Variants in C8orf34 observed in about 807,000 individuals in gnomAD.
C8orf34 encodes chromosome 8 open reading frame 34.
A neutral mutation model predicts 68.3 loss-of-function variants in C8orf34; 65 were observed. The observed-to-expected ratio is 0.95, with a 90% CI of 0.78 to 1.17. C8orf34 has a LOEUF of 1.17. Ranked by LOEUF, C8orf34 falls within the 50% of genes most tolerant of loss-of-function variation. C8orf34 has a pLI of 0.00. For missense variants in C8orf34, 664 were observed against 655.4 expected (o/e 1.01, Z -0.14); for synonymous variants, 244 against 241.2 (o/e 1.01, Z -0.11).
At chr8:68,755,904 CAAA>C (rs11295724) in intron 10 of C8orf34, among the ~76,000 whole-genome samples, 1 of 142,198 alleles carries the variant, frequency 7.0e-6, no homozygotes. Context: ...ACTAAAAATA[CAAA>C]AAAAAAAAAA....
At chr8:68,355,779 C>T (rs1806721377) in intron 1 of C8orf34, among the ~76,000 whole-genome samples, 2 of 152,156 alleles carry the variant, frequency 1.3e-5, no homozygotes, top group Admixed American at 6.6e-5. Flanking sequence ...CCTGCATCTC[C>T]ACAGTGACAA....
intron 7 of C8orf34, among the ~76,000 whole-genome samples, chr8:68,607,224 T>C (rs2130538539): frequency 6.6e-6 from 1 of 152,302 alleles, no homozygotes; most frequent in African/African-American, 2.4e-5. Flanking sequence ...TTCCCTGCAA[T>C]GAATAATAAA....
chr8:68,600,534 T>C (rs1184995257), intron 7 of C8orf34, among the ~76,000 whole-genome samples: 1 of 152,290 alleles, frequency 6.6e-6, no homozygotes. Flanking sequence ...ACTCTCTTAA[T>C]TTTCTTTGCC....
At chr8:68,470,691 G>T (rs1812343457) in intron 4 of C8orf34, among the ~76,000 whole-genome samples, 1 of 152,178 alleles carries the variant, frequency 6.6e-6, no homozygotes, top group East Asian at 1.9e-4. Flanking sequence ...GACACCTTTG[G>T]TATCTGATGA....
chr8:68,584,790 A>G lies in C8orf34; in HGVS notation c.1105+51641A>G, dbSNP rs1586409187. On this transcript the variant is annotated intron_variant, in intron 7 of 13. Transcript: ENST00000518698. ...AAAACCTGGTTCTTATTGCATAGAA[A>G]TGGAATATTTGGCATGATAAAAATA... is the stretch of plus-strand genomic sequence containing the variant. Among the ~76,000 whole-genome samples the G allele has an allele frequency of 2.6e-5, 4 of 152,282 alleles. No individual in the cohort carries two copies. In the South Asian group the frequency reaches 6.2e-4, roughly 24 times the overall value.
intron 1 of C8orf34, among the ~76,000 whole-genome samples, chr8:68,423,667 C>G (rs144934859): frequency 1.1e-3 from 168 of 152,260 alleles, no homozygotes; most frequent in African/African-American, 3.8e-3. Flanking sequence ...GGTATCTTTA[C>G]AGCAGCACCC....
At chr8:68,498,722 A>G (rs1334851830) in intron 5 of C8orf34, among the ~76,000 whole-genome samples, 1 of 152,214 alleles carries the variant, frequency 6.6e-6, no homozygotes, top group East Asian at 1.9e-4. Context: ...AAATATTATA[A>G]TCCTGATTTC....
At chr8:68,376,196 T>TAAAATAAAATA (rs1807789285) in intron 1 of C8orf34, among the ~76,000 whole-genome samples, 1 of 151,558 alleles carries the variant, frequency 6.6e-6, no homozygotes, top group Admixed American at 6.6e-5. Context: ...TAAAATAAAA[T>TAAAATAAAATA]AAAATAAAAT....
chr8:68,587,801 A>G (rs1817252210), intron 7 of C8orf34, among the ~76,000 whole-genome samples: 1 of 152,130 alleles, frequency 6.6e-6, no homozygotes, highest in Admixed American at 6.6e-5. Flanking sequence ...ACAAAGAACT[A>G]TCAGAATAGC....
chr8:68,408,055 G>A (rs1049875519), intron 1 of C8orf34, among the ~76,000 whole-genome samples: 2 of 152,048 alleles, frequency 1.3e-5, no homozygotes, highest in Non-Finnish European at 2.9e-5. Flanking sequence ...AACGAGCAAA[G>A]CTTCATCTGT....
intron 7 of C8orf34, among the ~76,000 whole-genome samples, chr8:68,569,732 A>G (rs1040280291): frequency 6.6e-6 from 1 of 152,238 alleles, no homozygotes; most frequent in Non-Finnish European, 1.5e-5. Context: ...GAATTAGAGT[A>G]TCATCTGTCA....
chr8:68,516,673 C>G (rs1046853312), intron 5 of C8orf34, among the ~76,000 whole-genome samples: 2 of 138,990 alleles, frequency 1.4e-5, no homozygotes, highest in African/African-American at 6.2e-5. Context: ...GATGGAGTCT[C>G]TTTGTCACCC....
chr8:68,765,492 C>T (rs1219486525), intron 10 of C8orf34, among the ~76,000 whole-genome samples: 1 of 152,152 alleles, frequency 6.6e-6, no homozygotes, highest in Non-Finnish European at 1.5e-5. Context: ...TCAAAGTGTC[C>T]TAGAGACTGT....
intron 3 of C8orf34, among the ~76,000 whole-genome samples, chr8:68,454,183 G>A (rs1811456376): frequency 6.6e-6 from 1 of 151,932 alleles, no homozygotes; most frequent in South Asian, 2.1e-4. Flanking sequence ...CTTTTATTGA[G>A]GATTTTACAT....
intron 5 of C8orf34, among the ~76,000 whole-genome samples, chr8:68,495,159 C>T (rs1483699345): frequency 6.6e-6 from 1 of 151,526 alleles, no homozygotes; most frequent in African/African-American, 2.4e-5. Context: ...AATAGGCAGT[C>T]TGTATATCTT....
chr8:68,419,847 A>C (rs1352080885), intron 1 of C8orf34, among the ~76,000 whole-genome samples: 1 of 70,912 alleles, frequency 1.4e-5, no homozygotes, highest in African/African-American at 5.6e-5. Flanking sequence ...GGAAGGGGGG[A>C]GGGATGGCAT....
intron 6 of C8orf34, among the ~76,000 whole-genome samples, chr8:68,522,785 A>G (rs1814812541): frequency 6.6e-6 from 1 of 152,214 alleles, no homozygotes; most frequent in Admixed American, 6.5e-5. Flanking sequence ...ACAAGATTGC[A>G]AAAACAAATA....
intron 1 of C8orf34, among the ~76,000 whole-genome samples, chr8:68,359,167 T>C (rs1397876698): frequency 6.6e-6 from 1 of 152,202 alleles, no homozygotes; most frequent in East Asian, 1.9e-4. Flanking sequence ...AATATTATTA[T>C]TGCTGTGTAA....
intron 1 of C8orf34, among the ~76,000 whole-genome samples, chr8:68,370,008 G>GCA (rs1225883424): frequency 6.6e-6 from 1 of 152,158 alleles, no homozygotes; most frequent in African/African-American, 2.4e-5. Context: ...TCCAAAGAGG[G>GCA]CATGCTCCTT....
Sources: allele counts gnomAD v4.1 joint callset (sites outside exome capture counted in the v4.1 genomes callset), GRCh38; gene constraint gnomAD v4.1.1; transcripts MANE v1.5; gene names NCBI Gene and HGNC (gene_info 2026-07-23, HGNC 2026-07-21).